CFAP221: variants seen among roughly 807,000 people sequenced by gnomAD.
CFAP221 encodes the protein cilia- and flagella-associated protein 221.
CFAP221 carries 97 observed loss-of-function variants against 113.1 expected under a neutral mutation model. The ratio of observed to expected loss-of-function variants is 0.86; its 90% CI spans 0.73 to 1.02. CFAP221 has a LOEUF of 1.02. Ranked by LOEUF, CFAP221 falls within the 50% of genes least tolerant of loss-of-function variation. The pLI, the probability that CFAP221 is intolerant of heterozygous loss-of-function variation, is 0.00. For synonymous variants in CFAP221, 331 were observed against 354.4 expected (o/e 0.93, Z 0.74); for missense variants, 1,025 against 1,013.4 (o/e 1.01, Z -0.16).
chr2:119,562,236 C>A, intron 6 of CFAP221, 122 bp downstream of exon 6: 39 of 384,724 alleles, frequency 1.0e-4, no homozygotes, highest in East Asian at 1.9e-4. Flanking sequence ...ATAGACTGGA[C>A]TTGTCATTGT....
intron 3 of CFAP221, among the ~76,000 whole-genome samples, chr2:119,551,742 A>C (rs1680449568): frequency 6.6e-6 from 1 of 152,198 alleles, no homozygotes; most frequent in Non-Finnish European, 1.5e-5. Context: ...GGTTCCTTGC[A>C]ATTCCAAATG....
rs1051213252 is a variant in CFAP221 at position 119,558,841 on chromosome 2, C to A, written c.241-848C>A. Among the ~76,000 whole-genome samples, 8 of 151,966 alleles carry A rather than the reference C, an allele frequency of 5.3e-5. No homozygotes were observed. In the South Asian group the frequency reaches 6.2e-4, roughly 12 times the overall value. On this transcript the variant is annotated intron_variant, in intron 3 of 23. Transcript: ENST00000413369. Reference sequence around the variant, plus strand: ...TGTCTCAAAAATAAAAAACAAAAAACCAACAACAACAACAAAAAAACACAG... The same window carrying A: ...TGTCTCAAAAATAAAAAACAAAAAAACAACAACAACAACAAAAAAACACAG...
At chr2:119,639,470 A>G (rs530614447) in intron 20 of CFAP221, among the ~76,000 whole-genome samples, 2 of 152,368 alleles carry the variant, frequency 1.3e-5, no homozygotes, top group South Asian at 2.1e-4. Flanking sequence ...TTGCATTAGC[A>G]TCACATTCAC....
At chr2:119,650,982 G>A (rs1688097262) in intron 22 of CFAP221, among the ~76,000 whole-genome samples, 1 of 152,184 alleles carries the variant, frequency 6.6e-6, no homozygotes, top group Non-Finnish European at 1.5e-5. Context: ...AATTGAGTGT[G>A]GTGGAGATGG....
chr2:119,548,589 T>C (rs1680207145), intron 2 of CFAP221, among the ~76,000 whole-genome samples: 1 of 152,238 alleles, frequency 6.6e-6, no homozygotes, highest in Non-Finnish European at 1.5e-5. Context: ...TTTTCAGAGC[T>C]TTAAGTTTTA....
At chr2:119,602,884 C>A in intron 8 of CFAP221, 1 of 600,218 alleles carries the variant, frequency 1.7e-6, no homozygotes, top group Non-Finnish European at 2.1e-6. Flanking sequence ...CTTTTACATG[C>A]ACGACAGCAT....
Position 119,619,524 on chromosome 2 carries a change from CAG to C in CFAP221, c.1410+3817_1410+3818del, listed in dbSNP as rs1685756895. On this transcript the variant is annotated intron_variant, in intron 14 of 23. Coordinates refer to ENST00000413369, the MANE Select transcript of CFAP221 (RefSeq NM_001271049.2). ...GACTGTTAGAAGGAAAACTAACAAA[CAG>C]AAAGGAATAGCATCAACATCAACAA... Among the ~76,000 whole-genome samples, 4 of 152,306 alleles carry C rather than the reference CAG, an allele frequency of 2.6e-5. No individual in the cohort carries two copies. In the South Asian group the frequency reaches 8.3e-4, roughly 32 times the overall value.
chr2:119,606,085 C>T (rs1056598858), intron 11 of CFAP221, among the ~76,000 whole-genome samples: 2 of 152,144 alleles, frequency 1.3e-5, no homozygotes, highest in South Asian at 2.1e-4. Flanking sequence ...CCGGCTGCAC[C>T]CCCAGCCTCC....
At chr2:119,625,914 G>A (rs2104747959) in intron 15 of CFAP221, 1 of 524,236 alleles carries the variant, frequency 1.9e-6, no homozygotes, top group Non-Finnish European at 3.4e-6. Context: ...GCTGAATATG[G>A]TATTTTCTCA....
intron 5 of CFAP221, 66 bp from the exon 6 acceptor site, chr2:119,561,948 C>A: frequency 9.6e-7 from 1 of 1,036,596 alleles, no homozygotes; most frequent in Non-Finnish European, 1.4e-6. Flanking sequence ...AATAAAGCAT[C>A]TACAAGTTTG....
chr2:119,580,178 A>G (rs1682747299), intron 6 of CFAP221: 1 of 152,198 alleles, frequency 6.6e-6, no homozygotes, highest in Non-Finnish European at 1.5e-5. Flanking sequence ...TCTGTTTTTC[A>G]GAATTAGGAA....
rs6759161 is a variant in CFAP221 at position 119,638,576 on chromosome 2, G to A, written c.2133+159G>A. ...CCCCTCATACCGCCAGCCCTAAAGG[G>A]GTACAGGTGGAGACCCCGCACCGCC... On this transcript the variant is annotated intron_variant, in intron 20 of 23. Coordinates refer to ENST00000413369, the MANE Select transcript of CFAP221 (RefSeq NM_001271049.2). Among the ~76,000 whole-genome samples, 834 of 152,294 alleles carry A rather than the reference G, an allele frequency of 5.5e-3. 11 individuals are homozygous for A. Among genetic ancestry groups the A allele is most frequent in the African/African-American group, 0.019 (784 of 41,552 alleles).
chr2:119,578,308 G>C (rs1682598289), intron 6 of CFAP221, among the ~76,000 whole-genome samples: 1 of 152,244 alleles, frequency 6.6e-6, no homozygotes, highest in South Asian at 2.1e-4. Context: ...TAAGTGGAAA[G>C]AGTGTTGAAG....
At chr2:119,638,495 C>G in intron 20 of CFAP221, 78 bp downstream of exon 20, 1 of 1,547,952 alleles carries the variant, frequency 6.5e-7, no homozygotes, top group Non-Finnish European at 8.9e-7. Context: ...AGGGTCACAG[C>G]TGGAATTGCG....
At chr2:119,611,791 A>G in intron 13 of CFAP221, 49 bp downstream of exon 13, 2 of 1,392,724 alleles carry the variant, frequency 1.4e-6, no homozygotes, top group Non-Finnish European at 2.0e-6. Context: ...AGCTCTTTAA[A>G]TGCTTATTTT....
chr2:119,595,604 G>T (rs138683672), intron 7 of CFAP221, among the ~76,000 whole-genome samples: 126 of 152,178 alleles, frequency 8.3e-4, no homozygotes, highest in Admixed American at 1.3e-3. Context: ...ACTACTGAGC[G>T]CCTGCTGGGC....
chr2:119,643,122 G>C (rs4849789), intron 21 of CFAP221, among the ~76,000 whole-genome samples: 149,488 of 152,280 alleles, frequency 0.98, 73,439 homozygotes, highest in Non-Finnish European at 1. Context: ...AATTTGGGGA[G>C]AACACAAAAT....
At chr2:119,652,152 C>A in intron 23 of CFAP221, 83 bp downstream of exon 23, 1 of 1,077,828 alleles carries the variant, frequency 9.3e-7, no homozygotes, top group Non-Finnish European at 1.4e-6. Context: ...GTCATGTTGT[C>A]TGAGTCTAAA....
intron 20 of CFAP221, among the ~76,000 whole-genome samples, 164 bp downstream of exon 20, chr2:119,638,581 A>G (rs559789874): frequency 6.6e-6 from 1 of 152,306 alleles, no homozygotes; most frequent in South Asian, 2.1e-4. Flanking sequence ...AAAGGGGTAC[A>G]GGTGGAGACC....
Sources: allele counts gnomAD v4.1 joint callset (sites outside exome capture counted in the v4.1 genomes callset), GRCh38; gene constraint gnomAD v4.1.1; transcripts MANE v1.5; gene names NCBI Gene and HGNC (gene_info 2026-07-23, HGNC 2026-07-21).